CACHD1: variants seen among roughly 807,000 people sequenced by gnomAD.
CACHD1 encodes VWFA and cache domain-containing protein 1.
Under a neutral mutation model 138.7 loss-of-function variants are expected in CACHD1, and 71 were observed. The ratio of observed to expected loss-of-function variants is 0.51; its 90% CI spans 0.42 to 0.62. The LOEUF (loss-of-function observed/expected upper bound fraction) is 0.62. Ranked by LOEUF, CACHD1 falls within the 20% of genes least tolerant of loss-of-function variation. The probability of loss-of-function intolerance (pLI) is 0.00; values close to 1 mark genes in which losing one functional copy is unlikely to be tolerated. For missense variants in CACHD1, 1,389 were observed against 1,625.3 expected, an observed-to-expected ratio of 0.85 and a Z score of 2.50; for synonymous variants, 578 against 591.5, an observed-to-expected ratio of 0.98 and a Z score of 0.33.
chr1:64,477,297 T>C (rs1646179380), intron 1 of CACHD1, among the ~76,000 whole-genome samples: 1 of 152,178 alleles, frequency 6.6e-6, no homozygotes, highest in Admixed American at 6.5e-5. Context: ...TTTGTAGACC[T>C]GCAGATTTCA....
In CACHD1 at chr1:64,673,127, T is replaced by G. The variant is rs774215373; in HGVS notation, c.2511-31T>G. 2.6e-6 allele frequency: 4 copies of G among 1,527,704 alleles called. No homozygotes were observed. In the Admixed American group the frequency reaches 5.4e-5, roughly 21 times the overall value. 94.6% of individuals were successfully genotyped at this position (1,527,704 alleles called of 1,614,324 possible). ...TTGAAAAAAAAAAAAACAGCTGATA[T>G]GAATGAGGGGCATAACTTGTTTTGG... On this transcript the variant is annotated intron_variant, in intron 17 of 26. Transcript: ENST00000651257.
chr1:64,615,351 G>A (rs890062091), intron 4 of CACHD1, among the ~76,000 whole-genome samples: 1 of 152,210 alleles, frequency 6.6e-6, no homozygotes, highest in African/African-American at 2.4e-5. Context: ...TCTACACAGT[G>A]TCAGCAAAGG....
intron 2 of CACHD1, chr1:64,579,919 TA>T (rs5774708): frequency 0.88 from 131,333 of 148,802 alleles, 58,377 homozygotes; most frequent in Non-Finnish European, 0.93. Flanking sequence ...AGCCAGATGT[TA>T]AAAAAAAAAA....
intron 17 of CACHD1, 47 bp downstream of exon 17, chr1:64,671,733 A>C (rs757141422): frequency 6.2e-7 from 1 of 1,611,934 alleles, no homozygotes; most frequent in South Asian, 1.1e-5. Context: ...CAGTTTAAAA[A>C]TAGATGTCAG....
chr1:64,663,628 A>T (rs1421988809), intron 13 of CACHD1, 67 bp from the exon 14 acceptor site: 2 of 1,591,288 alleles, frequency 1.3e-6, no homozygotes, highest in Non-Finnish European at 1.7e-6. Flanking sequence ...AGCCCGAGTG[A>T]TGCCTTTGTT....
intron 1 of CACHD1, among the ~76,000 whole-genome samples, chr1:64,524,959 C>T (rs1228395313): frequency 1.3e-5 from 2 of 152,046 alleles, no homozygotes; most frequent in East Asian, 3.9e-4. Context: ...GTCACTAGCC[C>T]AAGGTTGCAT....
chr1:64,678,145 T>C lies in CACHD1; in HGVS notation c.3093-14T>C, dbSNP rs746466374. The stretch of plus-strand genomic sequence containing the variant: ...CACTGCTTTATAGAAGACTAAGTAT[T>C]GTTTTTCTGGCAGGGACTGTTTTGG... On this transcript the variant is annotated splice_polypyrimidine_tract_variant and intron_variant, in intron 22 of 26. Transcript: ENST00000651257. 18 of 1,608,488 alleles carry C rather than the reference T, an allele frequency of 1.1e-5. No homozygotes were observed. Among genetic ancestry groups the C allele is most frequent in the Non-Finnish European group, 1.5e-5 (18 of 1,177,800 alleles).
intron 2 of CACHD1, among the ~76,000 whole-genome samples, chr1:64,557,750 A>C (rs950275053): frequency 3.9e-5 from 6 of 151,914 alleles, no homozygotes; most frequent in Admixed American, 6.6e-5. Flanking sequence ...CATTAGATCC[A>C]GTTCTGCCAT....
intron 4 of CACHD1, among the ~76,000 whole-genome samples, chr1:64,613,031 T>G (rs562449307): frequency 2.6e-4 from 39 of 152,340 alleles, no homozygotes; most frequent in South Asian, 2.3e-3. Context: ...AATAGGAGTT[T>G]GGAAGAAGTT....
At chr1:64,503,571 G>C (rs534659751) in intron 1 of CACHD1, among the ~76,000 whole-genome samples, 1 of 152,174 alleles carries the variant, frequency 6.6e-6, no homozygotes, top group African/African-American at 2.4e-5. Flanking sequence ...TTCAAATGCT[G>C]TGTAGCATGG....
chr1:64,619,886 T>C (rs1647849706), intron 4 of CACHD1, among the ~76,000 whole-genome samples: 1 of 152,214 alleles, frequency 6.6e-6, no homozygotes, highest in Admixed American at 6.5e-5. Context: ...ATAAGTTGCT[T>C]CACTTGTCTC....
At position 64,685,719 on chromosome 1, in the gene CACHD1, T is replaced by G. The variant is rs1192815271; in HGVS notation, c.3586+3613T>G. ...CAGGCATGGTGGTACGTGCCTGTAG[T>G]CCCAGCTACTCGGGAGACTGAGGTG... On this transcript the variant is annotated intron_variant, in intron 26 of 26. Transcript: ENST00000651257. Among the ~76,000 whole-genome samples, 3 of 152,038 alleles carry G rather than the reference T, an allele frequency of 2.0e-5. No individual in the cohort carries two copies. In the East Asian group the frequency reaches 5.8e-4, roughly 29 times the overall value.
At chr1:64,525,918 A>T (rs1646535085) in intron 1 of CACHD1, among the ~76,000 whole-genome samples, 1 of 152,222 alleles carries the variant, frequency 6.6e-6, no homozygotes, top group Non-Finnish European at 1.5e-5. Context: ...GTGTGTGCTT[A>T]CTTTAAAAAT....
chr1:64,549,427 T>C (rs1239455161), intron 1 of CACHD1, among the ~76,000 whole-genome samples: 1 of 152,096 alleles, frequency 6.6e-6, no homozygotes, highest in Non-Finnish European at 1.5e-5. Flanking sequence ...GCACCATGAT[T>C]TGTAATAATT....
intron 1 of CACHD1, among the ~76,000 whole-genome samples, chr1:64,501,047 CAA>C (rs367553078): frequency 1.2e-4 from 13 of 105,108 alleles, no homozygotes; most frequent in Admixed American, 2.0e-4. Flanking sequence ...GATTCTGTCT[CAA>C]AAAAAAAAAA....
intron 10 of CACHD1, 115 bp downstream of exon 10, chr1:64,652,425 C>A: frequency 2.2e-6 from 2 of 898,780 alleles, no homozygotes; most frequent in Non-Finnish European, 3.2e-6. Flanking sequence ...AGCATTGTGA[C>A]TAAGATTGCT....
chr1:64,677,240 T>G (rs1321978459), intron 22 of CACHD1, among the ~76,000 whole-genome samples: 1 of 152,056 alleles, frequency 6.6e-6, no homozygotes, highest in Non-Finnish European at 1.5e-5. Flanking sequence ...AATAAAAGAC[T>G]TGTGAGGGGC....
intron 1 of CACHD1, among the ~76,000 whole-genome samples, chr1:64,480,999 C>T (rs1232627868): frequency 6.6e-6 from 1 of 151,920 alleles, no homozygotes; most frequent in Non-Finnish European, 1.5e-5. Flanking sequence ...TTACCTTGCC[C>T]TCTTTTTTTC....
chr1:64,622,212 C>T (rs544542724), intron 4 of CACHD1, among the ~76,000 whole-genome samples: 2 of 152,268 alleles, frequency 1.3e-5, no homozygotes, highest in Admixed American at 6.5e-5. Context: ...ACAACTATAC[C>T]ATTTCTCAGT....
Sources: gnomAD v4.1 joint callset for allele counts (sites outside exome capture counted in the v4.1 genomes callset) on GRCh38, gnomAD v4.1.1 for gene constraint, MANE v1.5 for transcripts, NCBI Gene and HGNC (gene_info 2026-07-23, HGNC 2026-07-21) for gene names.